The following ARHGEF28 variants were observed in gnomAD, a reference collection of about 807,000 sequenced individuals.
The protein encoded by ARHGEF28 is Rho guanine nucleotide exchange factor 28, also known as 190 kDa guanine nucleotide exchange factor.
In ARHGEF28, 152 loss-of-function variants were observed where a neutral mutation model predicts 206.6. That is an observed-to-expected ratio of 0.74 (90% confidence interval 0.64 to 0.84). ARHGEF28 has a LOEUF of 0.84. Among genes scored for constraint, ARHGEF28 ranks in the 40% least tolerant of loss-of-function variants. The pLI is 0.00. For synonymous variants in ARHGEF28, 763 were observed against 776.4 expected, an observed-to-expected ratio of 0.98 and a Z score of 0.29; for missense variants, 2,028 against 2,073.2, an observed-to-expected ratio of 0.98 and a Z score of 0.42.
intron 13 of ARHGEF28, among the ~76,000 whole-genome samples, chr5:73,850,101 T>TTTTTTTTTTTTTTTTTTTTTTG (rs1194360823): frequency 2.0e-5 from 3 of 151,396 alleles, no homozygotes; most frequent in Non-Finnish European, 2.9e-5. Context: ...TTTGCATTTT[T>TTTTTTTTTTTTTTTTTTTTTTG]ATGCCATGCA....
At chr5:73,822,812 A>G (rs1756679993) in intron 9 of ARHGEF28, among the ~76,000 whole-genome samples, 1 of 152,082 alleles carries the variant, frequency 6.6e-6, no homozygotes, top group Admixed American at 6.6e-5. Flanking sequence ...TTTTTTGTAG[A>G]AACAAGGTCT....
At chr5:73,664,393 C>T (rs114183056) in intron 1 of ARHGEF28, among the ~76,000 whole-genome samples, 147 of 152,296 alleles carry the variant, frequency 9.7e-4, no homozygotes, top group African/African-American at 3.4e-3. Context: ...AGTGAGGGAT[C>T]TGGATTCGAA....
chr5:73,866,230 C>T (rs1223581959), intron 18 of ARHGEF28, among the ~76,000 whole-genome samples: 1 of 152,118 alleles, frequency 6.6e-6, no homozygotes. Flanking sequence ...ACCATATGAT[C>T]TTTTATATTA....
Position 73,868,172 on chromosome 5 carries a change from T to C in ARHGEF28, c.2370T>C (p.Asp790=). 7 of 1,602,630 alleles carry C rather than the reference T, an allele frequency of 4.4e-6. No homozygotes were observed. The highest frequency in any genetic ancestry group is 6.0e-6 in the Non-Finnish European group (7 of 1,173,784). ...HNSCRSRSHS[D]ELLQSMGSSP... is the part of the protein sequence containing the mutation. ...GCTGCAGAAGCAGGTCTCATTCTGATGAGCTGCTACAGTCCATGGGCTCTT... is the reference window on the plus strand; with the variant it reads ...GCTGCAGAAGCAGGTCTCATTCTGACGAGCTGCTACAGTCCATGGGCTCTT... Residue 790 remains aspartate (D), a synonymous_variant, in exon 20 of 36, where the codon GAT becomes GAC. Coordinates refer to ENST00000513042, the MANE Select transcript of ARHGEF28 (RefSeq NM_001177693.2).
rs1168277666 is a variant in ARHGEF28, at chr5:73,790,958, A to G, written c.911-3444A>G. ...AAGGGTGGGAGGAAGTAAGGAGAAA[A>G]GGATTCATCTGTCTATGAATCTGGC... On this transcript the variant is annotated intron_variant, in intron 7 of 35. Coordinates refer to ENST00000513042, the MANE Select transcript of ARHGEF28 (RefSeq NM_001177693.2). Among the ~76,000 whole-genome samples the G allele has an allele frequency of 2.6e-5, 4 of 152,330 alleles. No homozygotes were observed. The East Asian group carries it at 7.7e-4, about 29-fold the overall frequency.
rs755977141 is a variant in ARHGEF28 at position 73,857,686 on chromosome 5, C to T, written c.1821C>T (p.Ile607=). 2 of 1,595,802 alleles carry T rather than the reference C, an allele frequency of 1.3e-6. No homozygotes were observed. Among genetic ancestry groups the T allele is most frequent in the Non-Finnish European group, 1.7e-6 (2 of 1,170,022 alleles). ...AGGAAGAAGAATGGGATAAATACATCATACCTGCCAAATCAGAGTCTGAAA... is the reference window on the plus strand; with the variant it reads ...AGGAAGAAGAATGGGATAAATACATTATACCTGCCAAATCAGAGTCTGAAA... ...RIQEEEWDKY[I]IPAKSESEKY... Residue 607 remains isoleucine, a synonymous_variant, in exon 15 of 36, where the codon ATC becomes ATT. Transcript: ENST00000513042.
At chr5:73,888,517 G>C (rs1761437963) in intron 26 of ARHGEF28, among the ~76,000 whole-genome samples, 1 of 152,166 alleles carries the variant, frequency 6.6e-6, no homozygotes, top group African/African-American at 2.4e-5. Context: ...GGGATGGTGA[G>C]GGCCATGTAG....
intron 9 of ARHGEF28, among the ~76,000 whole-genome samples, chr5:73,830,008 G>A (rs1281175396): frequency 6.6e-6 from 1 of 152,054 alleles, no homozygotes; most frequent in East Asian, 1.9e-4. Context: ...CGAATTTTCA[G>A]ATCTTTTTGG....
Position 73,855,839 on chromosome 5 carries a change from T to C in ARHGEF28, c.1791-1817T>C, listed in dbSNP as rs550199261. 1.5e-4 allele frequency among the ~76,000 whole-genome samples: 23 copies of C among 152,322 alleles called. 1 individual carries two copies. The South Asian group carries it at 4.8e-3, about 32-fold the overall frequency. ...AATGTGGAAACTGTCGTTTTTTATA[T>C]AGTCTTCTGTAACAAGGGAGTTGGG... is the stretch of plus-strand genomic sequence containing the variant. On this transcript the variant is annotated intron_variant, in intron 14 of 35. Coordinates refer to ENST00000513042, the MANE Select transcript of ARHGEF28 (RefSeq NM_001177693.2).
chr5:73,744,706 T>A (rs1244434494), intron 2 of ARHGEF28, among the ~76,000 whole-genome samples: 1 of 152,060 alleles, frequency 6.6e-6, no homozygotes, highest in Non-Finnish European at 1.5e-5. Context: ...TTTATTATGC[T>A]TCTTTCCCTA....
chr5:73,756,561 A>G (rs557201780), intron 4 of ARHGEF28, among the ~76,000 whole-genome samples: 50 of 152,328 alleles, frequency 3.3e-4, no homozygotes, highest in Middle Eastern at 3.4e-3. Flanking sequence ...ATCTTATGAG[A>G]TTTGATTCAG....
intron 12 of ARHGEF28, among the ~76,000 whole-genome samples, chr5:73,847,142 T>G (rs994253131): frequency 1.3e-5 from 2 of 152,350 alleles, no homozygotes; most frequent in Non-Finnish European, 2.9e-5. Context: ...TGTTATTTTC[T>G]ACTTGTTTTC....
chr5:73,652,842 A>G (rs904640266), intron 1 of ARHGEF28, among the ~76,000 whole-genome samples: 3 of 152,210 alleles, frequency 2.0e-5, no homozygotes, highest in African/African-American at 7.2e-5. Context: ...ACCTCTCAGT[A>G]TCACACAGTT....
At chr5:73,683,857 A>G (rs1747266836) in intron 1 of ARHGEF28, among the ~76,000 whole-genome samples, 1 of 152,162 alleles carries the variant, frequency 6.6e-6, no homozygotes, top group African/African-American at 2.4e-5. Flanking sequence ...AGCTTTCAAC[A>G]TGCTTATATT....
chr5:73,738,952 C>T (rs1355131107), intron 2 of ARHGEF28, among the ~76,000 whole-genome samples: 1 of 152,054 alleles, frequency 6.6e-6, no homozygotes. Flanking sequence ...TACAGTGGTG[C>T]ACATGTAAAG....
intron 27 of ARHGEF28, 144 bp downstream of exon 27, chr5:73,892,374 C>G: frequency 1.2e-6 from 1 of 856,448 alleles, no homozygotes. Flanking sequence ...GATAGCCCCC[C>G]ATCTGCAGCT....
intron 4 of ARHGEF28, among the ~76,000 whole-genome samples, chr5:73,770,153 C>G (rs1243119996): frequency 6.6e-6 from 1 of 152,188 alleles, no homozygotes; most frequent in Non-Finnish European, 1.5e-5. Context: ...GCTTCAGATG[C>G]CTGGAAGCTT....
intron 1 of ARHGEF28, among the ~76,000 whole-genome samples, chr5:73,670,606 A>T (rs1421660643): frequency 1.3e-5 from 2 of 152,178 alleles, no homozygotes; most frequent in East Asian, 3.9e-4. Context: ...ATTGTTTTGC[A>T]TCTCTACCAG....
chr5:73,717,178 A>T (rs934560823), intron 2 of ARHGEF28, among the ~76,000 whole-genome samples: 3 of 152,140 alleles, frequency 2.0e-5, no homozygotes, highest in Non-Finnish European at 4.4e-5. Context: ...GTTTGTAGCT[A>T]TGGTCAACTT....
Sources: gnomAD v4.1 joint callset for allele counts (sites outside exome capture counted in the v4.1 genomes callset) on GRCh38, gnomAD v4.1.1 for gene constraint, MANE v1.5 for transcripts, NCBI Gene and HGNC (gene_info 2026-07-23, HGNC 2026-07-21) for gene names.